The following RBFOX1 variants were observed in gnomAD, a reference collection of about 807,000 sequenced individuals.
The protein encoded by RBFOX1 is RNA binding protein fox-1 homolog 1.
Under a neutral mutation model 57.7 loss-of-function variants are expected in RBFOX1, and 8 were observed. That is an observed-to-expected ratio of 0.14 (90% CI 0.08 to 0.25). The LOEUF (loss-of-function observed/expected upper bound fraction) is 0.25. Among genes scored for constraint, RBFOX1 ranks in the 10% least tolerant of loss-of-function variants. RBFOX1 has a pLI of 1.00. For missense variants in RBFOX1, 611 were observed against 548.5 expected (o/e 1.11, Z -1.14); for synonymous variants, 326 against 222.4 (o/e 1.47, Z -4.15).
At chr16:5,966,738 A>C (rs983487621) in intron 4 of RBFOX1, among the ~76,000 whole-genome samples, 21 of 152,058 alleles carry the variant, frequency 1.4e-4, no homozygotes, top group African/African-American at 4.8e-4. Flanking sequence ...ATTCACAAGA[A>C]ACCTGTCTCC....
chr16:6,900,156 G>A (rs1262799712), intron 3 of RBFOX1, among the ~76,000 whole-genome samples: 2 of 152,072 alleles, frequency 1.3e-5, no homozygotes, highest in South Asian at 4.1e-4. Context: ...TGGTGGTGGT[G>A]GTATTGTTCA....
chr16:7,297,782 C>G (rs573835373), intron 4 of RBFOX1, among the ~76,000 whole-genome samples: 65 of 152,226 alleles, frequency 4.3e-4, no homozygotes, highest in African/African-American at 1.5e-3. Context: ...TTGTGAAAAT[C>G]TAAGCGACAT....
chr16:7,318,701 T>C (rs2096489752), intron 4 of RBFOX1, among the ~76,000 whole-genome samples: 1 of 152,196 alleles, frequency 6.6e-6, no homozygotes, highest in Non-Finnish European at 1.5e-5. Flanking sequence ...CCTAGTGGCT[T>C]CTGGACTTCT....
chr16:6,421,025 C>G (rs918112294), intron 2 of RBFOX1, among the ~76,000 whole-genome samples: 2 of 152,192 alleles, frequency 1.3e-5, no homozygotes, highest in African/African-American at 4.8e-5. Flanking sequence ...TGGCACTATT[C>G]CTCAATGGCT....
Position 5,952,506 on chromosome 16 carries a change from C to T in RBFOX1, c.351+85171C>T, listed in dbSNP as rs571492960. Among the ~76,000 whole-genome samples the T allele has an allele frequency of 5.9e-5, 9 of 152,222 alleles. No individual in the cohort carries two copies. In the South Asian group the frequency reaches 1.0e-3, roughly 18 times the overall value. The stretch of plus-strand genomic sequence containing the variant: ...TTCACTATGTTGCCCAGGCTGGTCT[C>T]GAACCACTGACCTCAGGTGATCTGC... On this transcript the variant is annotated intron_variant, in intron 4 of 19. Transcript: ENST00000641259.
At chr16:5,589,440 T>C (rs1374449450) in intron 2 of RBFOX1, among the ~76,000 whole-genome samples, 1 of 152,152 alleles carries the variant, frequency 6.6e-6, no homozygotes, top group Non-Finnish European at 1.5e-5. Flanking sequence ...GCGTTCTCTT[T>C]CTAGAAACAC....
chr16:7,547,188 A>G (rs1430054513), intron 5 of RBFOX1, among the ~76,000 whole-genome samples: 6 of 152,214 alleles, frequency 3.9e-5, no homozygotes, highest in Non-Finnish European at 2.9e-5. Flanking sequence ...ACTTTCTTAT[A>G]AGGCCATAAA....
At chr16:7,067,268 A>G (rs1011101321) in intron 4 of RBFOX1, among the ~76,000 whole-genome samples, 5 of 151,644 alleles carry the variant, frequency 3.3e-5, no homozygotes, top group Admixed American at 2.6e-4. Context: ...TCATGTTGAA[A>G]TCTGTGTTAG....
chr16:7,705,239 G>A (rs2082056356), intron 14 of RBFOX1, among the ~76,000 whole-genome samples: 1 of 152,050 alleles, frequency 6.6e-6, no homozygotes, highest in African/African-American at 2.4e-5. Flanking sequence ...GGGCATGGTG[G>A]CTCATGCGTG....
intron 3 of RBFOX1, among the ~76,000 whole-genome samples, chr16:6,788,823 A>T (rs1426415373): frequency 1.3e-5 from 2 of 151,994 alleles, no homozygotes; most frequent in Non-Finnish European, 2.9e-5. Flanking sequence ...ACGATGTGCC[A>T]ATTTCCATCT....
intron 1 of RBFOX1, among the ~76,000 whole-genome samples, chr16:5,414,578 G>A (rs1319125983): frequency 1.3e-5 from 2 of 152,160 alleles, no homozygotes; most frequent in Non-Finnish European, 2.9e-5. Flanking sequence ...TAGGCATCGT[G>A]GGTTGGTGTC....
chr16:5,692,180 T>TC (rs1445193660), intron 3 of RBFOX1, among the ~76,000 whole-genome samples: 8 of 111,508 alleles, frequency 7.2e-5, no homozygotes, highest in Admixed American at 2.2e-4. Context: ...TGTGTGTGTG[T>TC]GTGTGTGTGT....
Position 7,029,150 on chromosome 16 carries a change from G to GTA in RBFOX1, c.-15-22898_-15-22897dup, listed in dbSNP as rs1220425786. ...TACGTATATATATATGTGTATATAT[G>GTA]TATATATATACACATATATATACGT... is the stretch of plus-strand genomic sequence containing the variant. On this transcript the variant is annotated intron_variant, in intron 3 of 15. Coordinates refer to ENST00000550418, the MANE Select transcript of RBFOX1 (RefSeq NM_018723.4). 8.2e-5 allele frequency among the ~76,000 whole-genome samples: 4 copies of GTA among 48,862 alleles called. 1 individual carries two copies. The highest frequency in any genetic ancestry group is 1.6e-4 in the African/African-American group (2 of 12,818). 32.1% of individuals were successfully genotyped at this position (48,862 alleles called of 152,430 possible).
intron 4 of RBFOX1, among the ~76,000 whole-genome samples, chr16:7,461,666 A>T (rs917458466): frequency 7.2e-5 from 11 of 152,306 alleles, no homozygotes; most frequent in African/African-American, 2.4e-4. Flanking sequence ...TAACAACCCC[A>T]TTCACTGGGT....
chr16:6,425,819 C>G (rs2093909696), intron 2 of RBFOX1, among the ~76,000 whole-genome samples: 1 of 152,120 alleles, frequency 6.6e-6, no homozygotes, highest in Non-Finnish European at 1.5e-5. Flanking sequence ...ATCACCATTA[C>G]TCTTTTTACC....
At chr16:7,157,369 T>C (rs1216779728) in intron 4 of RBFOX1, among the ~76,000 whole-genome samples, 1 of 151,954 alleles carries the variant, frequency 6.6e-6, no homozygotes, top group Non-Finnish European at 1.5e-5. Context: ...TGGCAATAAA[T>C]GTATGGTAAA....
chr16:5,481,152 C>T (rs910394705), intron 2 of RBFOX1, among the ~76,000 whole-genome samples: 2 of 152,182 alleles, frequency 1.3e-5, no homozygotes, highest in South Asian at 2.1e-4. Flanking sequence ...ACAACCTCTG[C>T]GGAGGCACTT....
intron 2 of RBFOX1, among the ~76,000 whole-genome samples, chr16:5,497,209 C>T (rs1364519730): frequency 1.3e-5 from 2 of 152,012 alleles, no homozygotes; most frequent in African/African-American, 4.8e-5. Flanking sequence ...TAGATCCACT[C>T]TTGAAATTTA....
intron 3 of RBFOX1, among the ~76,000 whole-genome samples, chr16:5,703,552 A>G (rs1022218115): frequency 6.6e-6 from 1 of 152,204 alleles, no homozygotes; most frequent in Non-Finnish European, 1.5e-5. Flanking sequence ...ATGGAAGCCT[A>G]TTTAAAGATT....
Sources: allele counts gnomAD v4.1 joint callset (sites outside exome capture counted in the v4.1 genomes callset), GRCh38; gene constraint gnomAD v4.1.1; transcripts MANE v1.5; gene names NCBI Gene and HGNC (gene_info 2026-07-23, HGNC 2026-07-21).